Variants in RABEP1 observed in about 807,000 individuals in gnomAD.
RABEP1 encodes rab GTPase-binding effector protein 1.
In RABEP1, 51 loss-of-function variants were observed where a neutral mutation model predicts 123.4. That is an observed-to-expected ratio of 0.41 (90% CI 0.33 to 0.52). The LOEUF is 0.52. Ranked by LOEUF, RABEP1 falls within the 20% of genes least tolerant of loss-of-function variation. RABEP1 has a pLI of 0.16. For synonymous variants in RABEP1, 347 were observed against 355.2 expected, an observed-to-expected ratio of 0.98 and a Z score of 0.26; for missense variants, 888 against 996.3, an observed-to-expected ratio of 0.89 and a Z score of 1.46.
At chr17:5,288,882 A>G (rs1567862244) in intron 1 of RABEP1, among the ~76,000 whole-genome samples, 1 of 150,078 alleles carries the variant, frequency 6.7e-6, no homozygotes, top group Non-Finnish European at 1.5e-5. Context: ...TTTTTTGTAT[A>G]TTTAGTAGAG....
intron 1 of RABEP1, among the ~76,000 whole-genome samples, chr17:5,303,085 A>C (rs192031303): frequency 1.2e-3 from 181 of 152,232 alleles, no homozygotes; most frequent in African/African-American, 3.9e-3. Flanking sequence ...TTGGATATTC[A>C]TTACAGTCTT....
In RABEP1 at chr17:5,377,178, C is replaced by A. The variant is rs200529956; in HGVS notation, c.2088C>A (p.Asp696Glu). The A allele has an allele frequency of 1.5e-5, 24 of 1,612,934 alleles. No homozygotes were observed. The highest frequency in any genetic ancestry group is 3.3e-4 in the Middle Eastern group (2 of 6,084). The change falls in exon 14 of 18, where the codon GAC (aspartate) becomes GAA (glutamate). Residue 696 changes from aspartate (D) to glutamate (E), a missense_variant. By Grantham distance (45) the Asp-to-Glu change is conservative. Transcript: ENST00000537505. ...TCATTAATGTGCGGACAGCAGCAGACCACGTAGAAGAAAAGCTGAAGGCTG... is the reference window on the plus strand; with the variant it reads ...TCATTAATGTGCGGACAGCAGCAGAACACGTAGAAGAAAAGCTGAAGGCTG... ...EDIINVRTAA[D>E]HVEEKLKAEI...
At chr17:5,287,386 G>T (rs1165903669) in intron 1 of RABEP1, among the ~76,000 whole-genome samples, 3 of 152,022 alleles carry the variant, frequency 2.0e-5, no homozygotes, top group African/African-American at 7.2e-5. Context: ...ATCACCTGAG[G>T]TCAGGAGTTC....
At chr17:5,354,577 A>G (rs573706806) in intron 8 of RABEP1, 87 bp downstream of exon 8, 2 of 1,280,766 alleles carry the variant, frequency 1.6e-6, no homozygotes, top group African/African-American at 1.5e-5. Context: ...CATTGTTCAT[A>G]TGAGAAGTGA....
intron 13 of RABEP1, 145 bp from the exon 14 acceptor site, chr17:5,376,971 C>CT: frequency 1.3e-6 from 1 of 780,284 alleles, no homozygotes; most frequent in Non-Finnish European, 2.0e-6. Context: ...GGCACCTGCC[C>CT]TGAAGCTCTA....
intron 3 of RABEP1, among the ~76,000 whole-genome samples, chr17:5,333,246 T>C (rs936479501): frequency 2.0e-5 from 3 of 152,060 alleles, no homozygotes; most frequent in African/African-American, 7.3e-5. Context: ...CAGTGCAACC[T>C]CCGCCTTCCA....
Position 5,338,006 on chromosome 17 carries a change from T to C in RABEP1, c.529-13T>C. 6.3e-7 allele frequency: 1 copy of C among 1,598,644 alleles called. No homozygotes were observed. Among genetic ancestry groups the C allele is most frequent in the South Asian group, 1.1e-5 (1 of 87,894 alleles). On this transcript the variant is annotated splice_polypyrimidine_tract_variant and intron_variant, in intron 4 of 17. Transcript: ENST00000537505. ...ATGAATAAGTCGTAGCATTTAATTC[T>C]TTTTAACCATAGGCCCAAGAGGATG...
chr17:5,367,773 G>A lies in RABEP1; in HGVS notation c.1786-597G>A, dbSNP rs116491908. Among the ~76,000 whole-genome samples the A allele has an allele frequency of 3.0e-3, 449 of 149,172 alleles. 2 individuals carry two copies. The highest frequency in any genetic ancestry group is 0.01 in the African/African-American group (428 of 40,854). ...TTTTCTCTCTTTTTTTTTTAAACCC[G>A]AGATGGAGTTTTGCTCTTGTTGCCC... On this transcript the variant is annotated intron_variant, in intron 11 of 17. Transcript: ENST00000537505.
Position 5,326,968 on chromosome 17 carries a change from A to G in RABEP1, c.164-4981A>G, listed in dbSNP as rs368882286. On this transcript the variant is annotated intron_variant, in intron 2 of 17. Coordinates refer to ENST00000537505, the MANE Select transcript of RABEP1 (RefSeq NM_004703.6). ...ACATGTAGGCTACATGGTATAGCCTATTGCTACTAAACTGAAAAGCTGTAC... is the reference window on the plus strand; with the variant it reads ...ACATGTAGGCTACATGGTATAGCCTGTTGCTACTAAACTGAAAAGCTGTAC... Among the ~76,000 whole-genome samples the G allele has an allele frequency of 1.4e-4, 21 of 152,332 alleles. No individual in the cohort carries two copies. The East Asian group carries it at 3.5e-3, about 25-fold the overall frequency.
At chr17:5,288,897 G>A (rs1024551085) in intron 1 of RABEP1, among the ~76,000 whole-genome samples, 1 of 151,660 alleles carries the variant, frequency 6.6e-6, no homozygotes, top group African/African-American at 2.4e-5. Context: ...GTAGAGACAG[G>A]GTTTCACCAT....
intron 12 of RABEP1, 36 bp from the exon 13 acceptor site, chr17:5,373,278 C>T: frequency 6.3e-7 from 1 of 1,596,276 alleles, no homozygotes; most frequent in Non-Finnish European, 8.5e-7. Context: ...CCGGATCTAC[C>T]TTTCTGGCTG....
intron 1 of RABEP1, among the ~76,000 whole-genome samples, chr17:5,284,743 G>T (rs762496158): frequency 4.6e-5 from 7 of 152,060 alleles, no homozygotes; most frequent in Admixed American, 1.3e-4. Context: ...TAGGATTGTA[G>T]GTGTGAGCCC....
intron 1 of RABEP1, among the ~76,000 whole-genome samples, chr17:5,302,649 A>C (rs1296367922): frequency 6.9e-6 from 1 of 145,014 alleles, no homozygotes; most frequent in Non-Finnish European, 1.5e-5. Context: ...TGCAGCCTCA[A>C]CCTCCCAGGC....
chr17:5,306,758 T>C (rs2144515329), intron 1 of RABEP1, among the ~76,000 whole-genome samples: 1 of 148,024 alleles, frequency 6.8e-6, no homozygotes, highest in Non-Finnish European at 1.5e-5. Flanking sequence ...ATTTGATTGC[T>C]ACTTTTTTTT....
rs780189904 is a variant in RABEP1 at position 5,380,412 on chromosome 17, G to A, written c.2320G>A (p.Glu774Lys). 19 of 1,573,102 alleles carry A rather than the reference G, an allele frequency of 1.2e-5. No homozygotes were observed. The South Asian group carries it at 2.0e-4, about 16-fold the overall frequency. The change falls in exon 16 of 18, where the codon GAA (glutamate) becomes AAA (lysine). Residue 774 changes from glutamate to lysine, a missense_variant. Physicochemically the swap from Glu to Lys is moderately conservative, Grantham distance 56 (BLOSUM62 1). Coordinates refer to ENST00000537505, the MANE Select transcript of RABEP1 (RefSeq NM_004703.6). ...EKSQQLESLQ[E>K]IKISLEEQLK... ...GTCTCAACAGCTTGAGAGTCTTCAG[G>A]AAATAAAGATCAGTTTGGAAGAGCA...
intron 2 of RABEP1, among the ~76,000 whole-genome samples, chr17:5,322,300 G>A (rs886080489): frequency 2.0e-5 from 3 of 152,168 alleles, no homozygotes; most frequent in Non-Finnish European, 4.4e-5. Context: ...TGAGGTTGCA[G>A]TGAGCTATGA....
At chr17:5,329,587 A>G (rs990040609) in intron 2 of RABEP1, among the ~76,000 whole-genome samples, 7 of 152,156 alleles carry the variant, frequency 4.6e-5, no homozygotes, top group African/African-American at 7.2e-5. Context: ...GGTGAAAGCT[A>G]TATGAAGGAT....
chr17:5,364,710 C>CAA (rs200314940), intron 10 of RABEP1, among the ~76,000 whole-genome samples: 87 of 112,620 alleles, frequency 7.7e-4, no homozygotes, highest in African/African-American at 1.8e-3. Context: ...ACTCTTGTCT[C>CAA]AAAAAAAAAA....
chr17:5,371,805 G>T (rs1166983119), intron 12 of RABEP1, among the ~76,000 whole-genome samples: 1 of 152,188 alleles, frequency 6.6e-6, no homozygotes, highest in East Asian at 1.9e-4. Context: ...TTATGGTATT[G>T]TAGAGTAGTT....
Sources: gnomAD v4.1 joint callset for allele counts (sites outside exome capture counted in the v4.1 genomes callset) on GRCh38, gnomAD v4.1.1 for gene constraint, MANE v1.5 for transcripts, NCBI Gene and HGNC (gene_info 2026-07-23, HGNC 2026-07-21) for gene names.